INPP4B: variants seen among roughly 807,000 people sequenced by gnomAD.
INPP4B encodes the protein inositol polyphosphate 4-phosphatase type II.
A neutral mutation model predicts 122.5 loss-of-function variants in INPP4B; 55 were observed. That is an observed-to-expected ratio of 0.45 (90% confidence interval 0.36 to 0.56). The LOEUF (loss-of-function observed/expected upper bound fraction) is 0.56, where lower values mean the gene tolerates loss of function less well. Ranked by LOEUF, INPP4B falls within the 20% of genes least tolerant of loss-of-function variation. INPP4B has a pLI of 0.00. For missense variants in INPP4B, 1,000 were observed against 1,097.7 expected (o/e 0.91, Z 1.26); for synonymous variants, 403 against 388.7 (o/e 1.04, Z -0.43).
At position 142,524,606 on chromosome 4, in the gene INPP4B, C is replaced by T. The variant is rs1365587171; in HGVS notation, c.-190-61880G>A. Among the ~76,000 whole-genome samples the T allele has an allele frequency of 2.6e-5, 4 of 151,976 alleles. No individual in the cohort carries two copies. In the East Asian group the frequency reaches 7.7e-4, roughly 29 times the overall value. On this transcript the variant is annotated intron_variant, in intron 2 of 25. Coordinates refer to ENST00000262992, the MANE Select transcript of INPP4B (RefSeq NM_001101669.3). ...ATATACGCAAATCAATAAATGTAATCCAGCATATAAACAGAGCCAAAGACA... is the reference window on the plus strand; with the variant it reads ...ATATACGCAAATCAATAAATGTAATTCAGCATATAAACAGAGCCAAAGACA...
intron 2 of INPP4B, among the ~76,000 whole-genome samples, chr4:142,599,947 G>GT (rs1056564454): frequency 6.6e-6 from 1 of 151,514 alleles, no homozygotes; most frequent in African/African-American, 2.4e-5. Flanking sequence ...CTAAAGACAT[G>GT]TTTTTTTGAA....
At chr4:142,826,826 C>T (rs1781518389) in intron 1 of INPP4B, among the ~76,000 whole-genome samples, 1 of 152,100 alleles carries the variant, frequency 6.6e-6, no homozygotes, top group African/African-American at 2.4e-5. Context: ...TTTAAAATAG[C>T]CCAGATGAAG....
At chr4:142,385,663 TTC>T (rs1380189808) in intron 7 of INPP4B, among the ~76,000 whole-genome samples, 19 of 152,194 alleles carry the variant, frequency 1.2e-4, no homozygotes, top group African/African-American at 4.3e-4. Context: ...AAAATTACAA[TTC>T]TGTTTGCCTT....
At position 142,314,721 on chromosome 4, in the gene INPP4B, T is replaced by A; in HGVS notation, c.414A>T (p.Pro138=). ...SVLPEHKDPP[P]EVGRSFLGYA... is the part of the protein sequence containing the mutation. ...CGTTAGAAACACTTACCCCAACTTCTGGCGGGGGATCCTTATGTTCTGGTA... is the reference window on the plus strand; with the variant it reads ...CGTTAGAAACACTTACCCCAACTTCAGGCGGGGGATCCTTATGTTCTGGTA... The change falls in exon 8 of 26, where the codon CCA becomes CCT. Residue 138 remains proline, a synonymous_variant. Transcript: ENST00000262992. 1 of 1,600,868 alleles carries A rather than the reference T, an allele frequency of 6.2e-7. No individual in the cohort carries two copies. Among genetic ancestry groups the A allele is most frequent in the Non-Finnish European group, 8.5e-7 (1 of 1,175,186 alleles).
intron 2 of INPP4B, among the ~76,000 whole-genome samples, chr4:142,658,912 C>G (rs964093778): frequency 1.3e-5 from 2 of 152,120 alleles, no homozygotes; most frequent in Non-Finnish European, 2.9e-5. Context: ...TTTGAAGATA[C>G]AAACCCATGG....
chr4:142,427,431 A>G (rs1361780683), intron 5 of INPP4B: 3 of 638,284 alleles, frequency 4.7e-6, no homozygotes, highest in East Asian at 2.8e-5. Flanking sequence ...GAACATTATT[A>G]TGAATAAATT....
chr4:142,056,726 G>T (rs1430264023), intron 25 of INPP4B, among the ~76,000 whole-genome samples: 1 of 152,104 alleles, frequency 6.6e-6, no homozygotes, highest in Non-Finnish European at 1.5e-5. Flanking sequence ...GAAATGAACA[G>T]CCTCAAGTGC....
intron 1 of INPP4B, among the ~76,000 whole-genome samples, chr4:142,727,791 T>A (rs1765523865): frequency 6.6e-6 from 1 of 152,024 alleles, no homozygotes; most frequent in Non-Finnish European, 1.5e-5. Flanking sequence ...GATGGGAGGA[T>A]CACTTGAGAC....
chr4:142,348,683 A>G (rs1165779213), intron 7 of INPP4B, among the ~76,000 whole-genome samples: 1 of 152,082 alleles, frequency 6.6e-6, no homozygotes, highest in Middle Eastern at 3.2e-3. Context: ...GCTGCAAACT[A>G]GAACAGGCTC....
At chr4:142,032,825 A>G (rs1470356377) in intron 25 of INPP4B, among the ~76,000 whole-genome samples, 1 of 152,230 alleles carries the variant, frequency 6.6e-6, no homozygotes, top group Non-Finnish European at 1.5e-5. Context: ...CAAAGTTCTT[A>G]GAGAATGCCT....
At chr4:142,055,587 G>A (rs1047920639) in intron 25 of INPP4B, among the ~76,000 whole-genome samples, 1 of 152,048 alleles carries the variant, frequency 6.6e-6, no homozygotes, top group African/African-American at 2.4e-5. Context: ...TGATAGCTAT[G>A]TCATATCCTA....
chr4:142,774,389 C>G (rs12507570), intron 1 of INPP4B, among the ~76,000 whole-genome samples: 11,847 of 152,118 alleles, frequency 0.078, 568 homozygotes, highest in African/African-American at 0.12. Flanking sequence ...TCTCCAAAGG[C>G]AGGTGAGTTA....
intron 18 of INPP4B, among the ~76,000 whole-genome samples, chr4:142,141,326 T>C (rs982849080): frequency 6.6e-6 from 1 of 152,058 alleles, no homozygotes; most frequent in African/African-American, 2.4e-5. Flanking sequence ...TTTTAGGAGG[T>C]TTAATTACAT....
At chr4:142,545,181 TATATTAGTTCAAGACACAA>T (rs1276269951) in intron 2 of INPP4B, among the ~76,000 whole-genome samples, 3 of 152,164 alleles carry the variant, frequency 2.0e-5, no homozygotes, top group African/African-American at 7.2e-5. Flanking sequence ...AAATGGCACT[TATATTAGTTCAAGACACAA>T]TGAGGCAAAG....
At chr4:142,071,459 T>A (rs1357187491) in intron 25 of INPP4B, among the ~76,000 whole-genome samples, 1 of 152,062 alleles carries the variant, frequency 6.6e-6, no homozygotes, top group Non-Finnish European at 1.5e-5. Flanking sequence ...CCAAAAGCAA[T>A]GGCAACAAAA....
intron 2 of INPP4B, among the ~76,000 whole-genome samples, chr4:142,524,234 C>T (rs1314908689): frequency 3.9e-5 from 6 of 152,072 alleles, no homozygotes; most frequent in East Asian, 1.9e-4. Flanking sequence ...ATCGCCGCAC[C>T]GACTTCCACA....
chr4:142,759,825 T>TAAAAAA (rs70949188), intron 1 of INPP4B, among the ~76,000 whole-genome samples: 2,065 of 69,930 alleles, frequency 0.03, 48 homozygotes, highest in Non-Finnish European at 0.043. Flanking sequence ...GAGCTTTTTC[T>TAAAAAA]AAAAAAAAAA....
At chr4:142,478,765 C>T (rs1820124953) in intron 2 of INPP4B, among the ~76,000 whole-genome samples, 2 of 152,122 alleles carry the variant, frequency 1.3e-5, no homozygotes, top group Admixed American at 6.6e-5. Context: ...TGCTGTGATT[C>T]TGCCAGGTCT....
At chr4:142,341,088 G>A (rs1304283536) in intron 7 of INPP4B, among the ~76,000 whole-genome samples, 7 of 152,128 alleles carry the variant, frequency 4.6e-5, no homozygotes, top group Non-Finnish European at 1.0e-4. Context: ...AGTTTCCAAT[G>A]CACTTATAGT....
Sources: allele counts gnomAD v4.1 joint callset (sites outside exome capture counted in the v4.1 genomes callset), GRCh38; gene constraint gnomAD v4.1.1; transcripts MANE v1.5; gene names NCBI Gene and HGNC (gene_info 2026-07-23, HGNC 2026-07-21).